SAMD5: variants seen among roughly 807,000 people sequenced by gnomAD.
SAMD5 encodes sterile alpha motif domain containing 5, also known as sterile alpha motif domain-containing protein 5.
A neutral mutation model predicts 11.3 loss-of-function variants in SAMD5; 13 were observed. The ratio of observed to expected loss-of-function variants is 1.15; its 90% CI spans 0.75 to 1.83. The LOEUF (loss-of-function observed/expected upper bound fraction) is 1.83. SAMD5 is among the 40% of genes most tolerant of loss of function. SAMD5 has a pLI of 0.00. For missense variants in SAMD5, 255 were observed against 239.1 expected, an observed-to-expected ratio of 1.07 and a Z score of -0.44; for synonymous variants, 129 against 111.3, an observed-to-expected ratio of 1.16 and a Z score of -1.00.
the SAMD5 span, among the ~76,000 whole-genome samples, chr6:147,942,630 T>C: frequency 6.6e-6 from 1 of 152,176 alleles, no homozygotes; most frequent in Non-Finnish European, 1.5e-5. Flanking sequence ...TGTTCATCCT[T>C]GGCTAAGAGG....
chr6:147,674,686 AT>A (rs1328702686), intron 1 of SAMD5, among the ~76,000 whole-genome samples: 1 of 152,186 alleles, frequency 6.6e-6, no homozygotes, highest in Non-Finnish European at 1.5e-5. Context: ...ACCCTGACAG[AT>A]GTGCTATCAT....
chr6:147,749,499 T>C, the SAMD5 span, among the ~76,000 whole-genome samples: 1 of 152,176 alleles, frequency 6.6e-6, no homozygotes, highest in African/African-American at 2.4e-5. Context: ...AGAGAAACCA[T>C]CCTATAAATG....
At chr6:147,694,546 T>A (rs1182109682) in intron 1 of SAMD5, among the ~76,000 whole-genome samples, 2 of 152,190 alleles carry the variant, frequency 1.3e-5, no homozygotes, top group Non-Finnish European at 2.9e-5. Context: ...CATATGCTAT[T>A]ATTAAATATA....
intron 1 of SAMD5, among the ~76,000 whole-genome samples, chr6:147,530,859 G>C (rs1788420226): frequency 1.3e-5 from 2 of 152,160 alleles, no homozygotes; most frequent in African/African-American, 4.8e-5. Context: ...TCTACTGTTT[G>C]ATGTCTTAAT....
chr6:147,838,040 T>C, the SAMD5 span, among the ~76,000 whole-genome samples: 1,370 of 152,250 alleles, frequency 9.0e-3, 25 homozygotes, highest in African/African-American at 0.031. Flanking sequence ...TATGGAGTAT[T>C]TAATTATCAA....
chr6:147,564,785 C>A lies in SAMD5; in HGVS notation c.*329C>A. ...TGAAAACAGATGAGGTTGGCTAAGG[C>A]ATTTGAGTCATAACTTAGTTTAAGT... On this transcript the variant is annotated 3_prime_UTR_variant, in exon 2 of 2. Transcript: ENST00000367474. The A allele has an allele frequency of 9.9e-7, 1 of 1,011,944 alleles. No homozygotes were observed. The highest frequency in any genetic ancestry group is 1.2e-6 in the Non-Finnish European group (1 of 846,790). 62.7% of individuals were successfully genotyped at this position (1,011,944 alleles called of 1,614,324 possible).
intron 1 of SAMD5, among the ~76,000 whole-genome samples, chr6:147,712,728 G>A (rs898615489): frequency 6.6e-6 from 1 of 151,948 alleles, no homozygotes; most frequent in Non-Finnish European, 1.5e-5. Flanking sequence ...GAAAAGGCAA[G>A]GTGGCTGTCT....
At position 147,566,883 on chromosome 6, in the gene SAMD5, A is replaced by T. The variant is rs983124492; in HGVS notation, c.*2427A>T. 2 of 968,826 alleles carry T rather than the reference A, an allele frequency of 2.1e-6. No individual in the cohort carries two copies. Among genetic ancestry groups the T allele is most frequent in the Non-Finnish European group, 2.5e-6 (2 of 815,220 alleles). The allele number at this position is 968,826 out of a possible 1,614,324, so 60.0% of individuals were successfully genotyped here. A position where few individuals can be genotyped will look rare whatever the true frequency, so the allele number is the denominator to read the frequency against. On this transcript the variant is annotated 3_prime_UTR_variant, in exon 2 of 2. Coordinates refer to ENST00000367474, the MANE Select transcript of SAMD5 (RefSeq NM_001030060.3). ...TTTTTACCATGAATTGTATCTGGGG[A>T]CAGTTAGTCTTAGAAGGAGTAATTT... is the stretch of plus-strand genomic sequence containing the variant.
the SAMD5 span, among the ~76,000 whole-genome samples, chr6:147,922,163 C>A: frequency 6.6e-6 from 1 of 152,134 alleles, no homozygotes; most frequent in Non-Finnish European, 1.5e-5. Context: ...CCGTGTGTGT[C>A]TCTGTCATGG....
At chr6:147,682,539 A>T (rs990569262) in intron 1 of SAMD5, among the ~76,000 whole-genome samples, 2 of 152,154 alleles carry the variant, frequency 1.3e-5, no homozygotes, top group African/African-American at 4.8e-5. Flanking sequence ...ATTTAGCTGT[A>T]TGTATGGTAA....
At chr6:147,938,324 TAATC>T in the SAMD5 span, among the ~76,000 whole-genome samples, 6,480 of 152,280 alleles carry the variant, frequency 0.043, 228 homozygotes, top group Admixed American at 0.11. Flanking sequence ...AAAAGTGTAT[TAATC>T]AAACGAAAAA....
chr6:147,620,987 TGTGCGC>T (rs67512160), intron 1 of SAMD5, among the ~76,000 whole-genome samples: 18,722 of 86,360 alleles, frequency 0.22, 1,373 homozygotes, highest in East Asian at 0.45. Context: ...TGTGTGTGTG[TGTGCGC>T]GCGCGCACAT....
chr6:147,568,641 G>A lies in SAMD5; in HGVS notation c.*4185G>A, dbSNP rs1789082881. 1 of 985,170 alleles carries A rather than the reference G, an allele frequency of 1.0e-6. No homozygotes were observed. The highest frequency in any genetic ancestry group is 1.2e-6 in the Non-Finnish European group (1 of 829,820). 61.0% of individuals were successfully genotyped at this position (985,170 alleles called of 1,614,324 possible). On this transcript the variant is annotated 3_prime_UTR_variant, in exon 2 of 2. Coordinates refer to ENST00000367474, the MANE Select transcript of SAMD5 (RefSeq NM_001030060.3). ...GTAAAGCCATATAGATGCACACATA[G>A]TGACTTTATTAAATCAAATGAGTTG...
chr6:147,570,874 G>T (rs936510064), downstream of SAMD5, among the ~76,000 whole-genome samples: 1 of 152,190 alleles, frequency 6.6e-6, no homozygotes. Flanking sequence ...GCATGCCCAT[G>T]ATAACACCCC....
intron 1 of SAMD5, among the ~76,000 whole-genome samples, chr6:147,691,087 C>T (rs975979559): frequency 6.6e-6 from 1 of 151,968 alleles, no homozygotes; most frequent in Non-Finnish European, 1.5e-5. Flanking sequence ...ACCCCCCTCC[C>T]GAGTTCAAGC....
chr6:147,869,761 C>CA, the SAMD5 span, among the ~76,000 whole-genome samples: 22 of 152,012 alleles, frequency 1.4e-4, no homozygotes, highest in African/African-American at 5.1e-4. Flanking sequence ...TGTAGTGGTG[C>CA]AATAAGGTTC....
the SAMD5 span, among the ~76,000 whole-genome samples, chr6:147,902,863 C>T: frequency 6.6e-6 from 1 of 152,168 alleles, no homozygotes; most frequent in Non-Finnish European, 1.5e-5. Flanking sequence ...ATTATGTGCA[C>T]ACCTGTATAT....
At chr6:147,692,247 A>G (rs73014032) in intron 1 of SAMD5, among the ~76,000 whole-genome samples, 17,347 of 152,032 alleles carry the variant, frequency 0.11, 1,076 homozygotes, top group Middle Eastern at 0.16. Context: ...ACCCTGCGCA[A>G]CTCTTACAGT....
At chr6:147,952,529 G>A in the SAMD5 span, among the ~76,000 whole-genome samples, 1 of 151,864 alleles carries the variant, frequency 6.6e-6, no homozygotes, top group South Asian at 2.1e-4. Flanking sequence ...TGTTTGTTTC[G>A]AGACAGAGTC....
Sources: gnomAD v4.1 joint callset for allele counts (sites outside exome capture counted in the v4.1 genomes callset) on GRCh38, gnomAD v4.1.1 for gene constraint, MANE v1.5 for transcripts, NCBI Gene and HGNC (gene_info 2026-07-23, HGNC 2026-07-21) for gene names.